Variants in CWC25 observed in about 807,000 individuals in gnomAD.
CWC25 encodes the protein pre-mRNA-splicing factor CWC25 homolog.
A neutral mutation model predicts 54.6 loss-of-function variants in CWC25; 31 were observed. The observed-to-expected ratio is 0.57, with a 90% CI of 0.43 to 0.77. The LOEUF is 0.77. CWC25 is among the 30% of genes least tolerant of loss of function. CWC25 has a pLI of 0.00. For synonymous variants in CWC25, 151 were observed against 187.0 expected (o/e 0.81, Z 1.57); for missense variants, 453 against 529.3 (o/e 0.86, Z 1.41).
At chr17:38,813,343 C>T (rs991546692) in intron 3 of CWC25, among the ~76,000 whole-genome samples, 3 of 150,686 alleles carry the variant, frequency 2.0e-5, no homozygotes, top group Non-Finnish European at 2.9e-5. Context: ...GGTAGCAGCA[C>T]GCACCTGCAG....
chr17:38,803,887 T>C (rs368451999), intron 8 of CWC25, among the ~76,000 whole-genome samples: 1 of 150,102 alleles, frequency 6.7e-6, no homozygotes, highest in Non-Finnish European at 1.5e-5. Context: ...AAAAAAAAAA[T>C]TTTTTTTTAA....
chr17:38,820,829 AC>A, intron 2 of CWC25, 71 bp downstream of exon 2: 1 of 1,521,486 alleles, frequency 6.6e-7, no homozygotes, highest in Non-Finnish European at 8.9e-7. Context: ...CCATTATACA[AC>A]ACTGGATGAT....
At position 38,820,888 on chromosome 17, in the gene CWC25, G is replaced by A. The variant is rs1291173464; in HGVS notation, c.191+13C>T. ...TTCCCTACACACAAGCGCACCCCCAGCTCCTCACTTACTTGACGGCCCCAA... is the reference window on the plus strand; with the variant it reads ...TTCCCTACACACAAGCGCACCCCCAACTCCTCACTTACTTGACGGCCCCAA... On this transcript the variant is annotated intron_variant, in intron 2 of 9. Transcript: ENST00000614790. The A allele has an allele frequency of 6.2e-7, 1 of 1,606,952 alleles. No homozygotes were observed. The highest frequency in any genetic ancestry group is 8.5e-7 in the Non-Finnish European group (1 of 1,176,366).
At chr17:38,813,405 G>A (rs922782914) in intron 3 of CWC25, among the ~76,000 whole-genome samples, 11 of 151,682 alleles carry the variant, frequency 7.3e-5, no homozygotes, top group African/African-American at 2.7e-4. Flanking sequence ...CCCAGGAGGC[G>A]GAGGTTGCAG....
intron 3 of CWC25, among the ~76,000 whole-genome samples, chr17:38,814,559 T>C (rs1412103982): frequency 6.6e-6 from 1 of 151,360 alleles, no homozygotes; most frequent in East Asian, 2.0e-4. Context: ...CTGGCTAACA[T>C]AGTGAAACCC....
At chr17:38,815,904 G>A (rs962303679) in intron 2 of CWC25, among the ~76,000 whole-genome samples, 3 of 152,116 alleles carry the variant, frequency 2.0e-5, no homozygotes, top group African/African-American at 7.2e-5. Context: ...AAAAATCAGA[G>A]GTAACTGAAT....
At chr17:38,805,816 C>CT (rs1234037496) in intron 8 of CWC25, among the ~76,000 whole-genome samples, 10,366 of 142,880 alleles carry the variant, frequency 0.073, 811 homozygotes, top group African/African-American at 0.21. Context: ...TGTTAAGAGA[C>CT]TTTTTTTTTT....
At chr17:38,820,101 C>T (rs1911862411) in intron 2 of CWC25, among the ~76,000 whole-genome samples, 1 of 152,152 alleles carries the variant, frequency 6.6e-6, no homozygotes, top group Admixed American at 6.6e-5. Context: ...CCACACTCAG[C>T]CTATATATTT....
rs376896319 is a variant in CWC25, at chr17:38,825,141, C to G, written c.18+25G>C. ...ATTTCCGTCCCGGCCTCAGTCCTCCCCCGCCCAGGCCTCCCTCCACTCACC... is the reference window on the plus strand; with the variant it reads ...ATTTCCGTCCCGGCCTCAGTCCTCCGCCGCCCAGGCCTCCCTCCACTCACC... On this transcript the variant is annotated intron_variant, in intron 1 of 9. Transcript: ENST00000614790. 3.9e-6 allele frequency: 6 copies of G among 1,532,300 alleles called. No homozygotes were observed. The African/African-American group carries it at 6.9e-5, about 18-fold the overall frequency. The allele number at this position is 1,532,300 out of a possible 1,614,324, so 94.9% of individuals were successfully genotyped here.
chr17:38,819,437 G>A (rs1911835682), intron 2 of CWC25, among the ~76,000 whole-genome samples: 1 of 151,652 alleles, frequency 6.6e-6, no homozygotes, highest in South Asian at 2.1e-4. Context: ...CGCAATCTCA[G>A]CTCACTGCAA....
At chr17:38,803,730 G>A (rs201145236) in intron 8 of CWC25, among the ~76,000 whole-genome samples, 1 of 140,022 alleles carries the variant, frequency 7.1e-6, no homozygotes, top group Non-Finnish European at 1.5e-5. Flanking sequence ...AGAGTAGGAG[G>A]CTTAAAAAAA....
chr17:38,806,577 T>A, intron 7 of CWC25, 182 bp from the exon 8 acceptor site: 1 of 723,844 alleles, frequency 1.4e-6, no homozygotes, highest in Non-Finnish European at 2.2e-6. Context: ...AGAATACACC[T>A]ACAGATATGT....
At position 38,821,839 on chromosome 17, in the gene CWC25, G is replaced by A. The variant is rs369449894; in HGVS notation, c.19-766C>T. On this transcript the variant is annotated intron_variant, in intron 1 of 9. Transcript: ENST00000614790. ...ACCCAGGCTGGAGTGCAGCTATCTC[G>A]GCTGACTGCACCCTCCGCCTCCCGG... Among the ~76,000 whole-genome samples the A allele has an allele frequency of 3.3e-4, 50 of 151,074 alleles. 1 individual carries two copies. The East Asian group carries it at 6.4e-3, about 19-fold the overall frequency.
intron 1 of CWC25, among the ~76,000 whole-genome samples, chr17:38,823,647 T>C (rs574636557): frequency 6.6e-6 from 1 of 152,126 alleles, no homozygotes; most frequent in East Asian, 1.9e-4. Context: ...GTCATTCAGT[T>C]GGTTGGTTGT....
At position 38,818,789 on chromosome 17, in the gene CWC25, C is replaced by T. The variant is rs141662147; in HGVS notation, c.191+2112G>A. On this transcript the variant is annotated intron_variant, in intron 2 of 9. Transcript: ENST00000614790. ...ATATAAAATCACCTTCCCCCATTCACGACAGACAAGCAGGCATGAGTCTGC... is the reference window on the plus strand; with the variant it reads ...ATATAAAATCACCTTCCCCCATTCATGACAGACAAGCAGGCATGAGTCTGC... Among the ~76,000 whole-genome samples the T allele has an allele frequency of 1.5e-3, 235 of 152,050 alleles. 7 individuals are homozygous for T. In the East Asian group the frequency reaches 0.04, roughly 26 times the overall value.
Position 38,812,794 on chromosome 17 carries a change from C to A in CWC25, c.498+1G>T, listed in dbSNP as rs1234139345. On this transcript the variant is annotated splice_donor_variant, in intron 4 of 9. Coordinates refer to ENST00000614790, the MANE Select transcript of CWC25 (RefSeq NM_017748.5). LOFTEE classifies it high-confidence loss of function. ...TGGTGCTTATCTGGTATACTACTTA[C>A]CAATTCTTTGATTTTCTTCATTTTC... The A allele has an allele frequency of 6.7e-7, 1 of 1,485,730 alleles. No homozygotes were observed. The highest frequency in any genetic ancestry group is 2.5e-5 in the East Asian group (1 of 40,602). 92.0% of individuals were successfully genotyped at this position (1,485,730 alleles called of 1,614,324 possible).
intron 6 of CWC25, among the ~76,000 whole-genome samples, chr17:38,808,034 C>T (rs1339612621): frequency 6.0e-5 from 7 of 116,482 alleles, no homozygotes; most frequent in East Asian, 4.9e-4. Flanking sequence ...CCAGCCTAGG[C>T]GACAGAGTGA....
At chr17:38,816,965 AGC>A (rs1751478304) in intron 2 of CWC25, among the ~76,000 whole-genome samples, 1 of 150,414 alleles carries the variant, frequency 6.6e-6, no homozygotes, top group African/African-American at 2.5e-5. Flanking sequence ...TACAGGCGTG[AGC>A]AACCGTGCCT....
At chr17:38,820,801 A>G in intron 2 of CWC25, 100 bp downstream of exon 2, 1 of 1,371,478 alleles carries the variant, frequency 7.3e-7, no homozygotes, top group Non-Finnish European at 9.9e-7. Flanking sequence ...ATTACAACCC[A>G]TGCCCTTAAG....
Sources: allele counts gnomAD v4.1 joint callset (sites outside exome capture counted in the v4.1 genomes callset), GRCh38; gene constraint gnomAD v4.1.1; transcripts MANE v1.5; gene names NCBI Gene and HGNC (gene_info 2026-07-23, HGNC 2026-07-21).